The following CLYBL variants were observed in gnomAD, a reference collection of about 807,000 sequenced individuals.
CLYBL encodes citramalyl-CoA lyase.
CLYBL carries 31 observed loss-of-function variants against 38.9 expected under a neutral mutation model. That is an observed-to-expected ratio of 0.80 (90% confidence interval 0.60 to 1.08). The LOEUF (loss-of-function observed/expected upper bound fraction) is 1.08. CLYBL is among the 50% of genes least tolerant of loss of function. CLYBL has a pLI of 0.00. For synonymous variants in CLYBL, 171 were observed against 158.6 expected (o/e 1.08, Z -0.59); for missense variants, 434 against 411.6 (o/e 1.05, Z -0.47).
intron 2 of CLYBL, among the ~76,000 whole-genome samples, chr13:99,830,982 G>T (rs561291259): frequency 6.6e-6 from 1 of 152,296 alleles, no homozygotes; most frequent in Non-Finnish European, 1.5e-5. Context: ...AGAAATCAGA[G>T]ACACACAGAG....
intron 2 of CLYBL, among the ~76,000 whole-genome samples, chr13:99,814,969 G>T (rs911942672): frequency 6.6e-6 from 1 of 152,278 alleles, no homozygotes; most frequent in Middle Eastern, 3.4e-3. Context: ...CAAGACTGCG[G>T]TGAGCCATGA....
intron 1 of CLYBL, among the ~76,000 whole-genome samples, chr13:99,648,200 C>T (rs2047204410): frequency 6.6e-6 from 1 of 152,060 alleles, no homozygotes; most frequent in Non-Finnish European, 1.5e-5. Context: ...GTTTTGTTCA[C>T]CAGATGGAAA....
At chr13:99,692,193 A>G (rs187758930) in intron 1 of CLYBL, among the ~76,000 whole-genome samples, 34 of 152,134 alleles carry the variant, frequency 2.2e-4, no homozygotes, top group African/African-American at 8.0e-4. Context: ...CTTAGTCACA[A>G]TTACTCCCCA....
chr13:99,775,580 C>T (rs931438226), intron 2 of CLYBL, among the ~76,000 whole-genome samples: 2 of 151,958 alleles, frequency 1.3e-5, no homozygotes, highest in Non-Finnish European at 2.9e-5. Flanking sequence ...GTCATCATAG[C>T]TCACTGCAGC....
downstream of CLYBL, chr13:99,892,684 G>A (rs1340774171): frequency 6.6e-6 from 1 of 152,548 alleles, no homozygotes; most frequent in Non-Finnish European, 1.5e-5. Flanking sequence ...AACACCGCGG[G>A]GAAGGCTGTT....
chr13:99,883,680 C>T (rs1159239156), intron 7 of CLYBL, among the ~76,000 whole-genome samples: 1 of 152,106 alleles, frequency 6.6e-6, no homozygotes, highest in African/African-American at 2.4e-5. Flanking sequence ...CTACCACACC[C>T]CTTAGTTTTG....
intron 7 of CLYBL, among the ~76,000 whole-genome samples, chr13:99,883,626 A>G (rs1378365925): frequency 6.6e-6 from 1 of 152,146 alleles, no homozygotes; most frequent in Non-Finnish European, 1.5e-5. Flanking sequence ...TCTAGGAGAC[A>G]GCTTTTGAGC....
At chr13:99,901,948 T>C (rs2052649252), downstream of CLYBL, among the ~76,000 whole-genome samples, 1 of 152,208 alleles carries the variant, frequency 6.6e-6, no homozygotes, top group Non-Finnish European at 1.5e-5. Flanking sequence ...CCCAATATCC[T>C]GCCTTTGATC....
At chr13:99,663,132 A>G (rs2047433258) in intron 1 of CLYBL, among the ~76,000 whole-genome samples, 1 of 152,232 alleles carries the variant, frequency 6.6e-6, no homozygotes, top group Non-Finnish European at 1.5e-5. Context: ...TAAACTCAGC[A>G]CTTCTCTTAG....
intron 2 of CLYBL, among the ~76,000 whole-genome samples, chr13:99,839,396 A>C (rs947427111): frequency 1.3e-5 from 2 of 152,248 alleles, no homozygotes; most frequent in Non-Finnish European, 2.9e-5. Flanking sequence ...ACAGATCATC[A>C]GTTGCCAAGA....
downstream of CLYBL, among the ~76,000 whole-genome samples, chr13:99,900,866 T>C (rs187208666): frequency 1.2e-4 from 18 of 152,262 alleles, no homozygotes; most frequent in Admixed American, 9.8e-4. Context: ...GATACTCGAA[T>C]TCATCACAAT....
In CLYBL at chr13:99,658,266, G is replaced by A. The variant is rs985319451; in HGVS notation, c.62+51509G>A. On this transcript the variant is annotated intron_variant, in intron 1 of 8. Transcript: ENST00000339105. ...CTTCATCCGCAGGCCCACTCGGGGT[G>A]AATAGTGTGGGAGCTCTCAAGAGAA... Among the ~76,000 whole-genome samples, 3 of 152,252 alleles carry A rather than the reference G, an allele frequency of 2.0e-5. No homozygotes were observed. The South Asian group carries it at 6.2e-4, about 31-fold the overall frequency.
intron 2 of CLYBL, among the ~76,000 whole-genome samples, chr13:99,823,201 T>C (rs2050619984): frequency 6.6e-6 from 1 of 152,346 alleles, no homozygotes. Flanking sequence ...CTTTGTGTTA[T>C]ACAGTTGATG....
chr13:99,810,522 C>T (rs2050320399), intron 2 of CLYBL, among the ~76,000 whole-genome samples: 1 of 152,136 alleles, frequency 6.6e-6, no homozygotes. Context: ...AGAAGCGAAG[C>T]TTGGCTGGAG....
At chr13:99,658,526 C>A (rs1417404813) in intron 1 of CLYBL, among the ~76,000 whole-genome samples, 2 of 152,184 alleles carry the variant, frequency 1.3e-5, no homozygotes, top group Non-Finnish European at 2.9e-5. Context: ...CGCCGGCCTC[C>A]CCTCCTTTCA....
intron 2 of CLYBL, among the ~76,000 whole-genome samples, chr13:99,813,096 T>C (rs935692512): frequency 7.9e-5 from 12 of 152,218 alleles, no homozygotes; most frequent in Non-Finnish European, 1.5e-4. Context: ...ATTTTTGCTT[T>C]AAAATTCTGC....
At chr13:99,719,659 A>C (rs1403750852) in intron 1 of CLYBL, among the ~76,000 whole-genome samples, 4 of 151,630 alleles carry the variant, frequency 2.6e-5, no homozygotes. Flanking sequence ...GGTGCCCGCC[A>C]CCACACCCAG....
intron 2 of CLYBL, among the ~76,000 whole-genome samples, chr13:99,826,668 TAAAAC>T (rs2050701557): frequency 6.6e-6 from 1 of 152,238 alleles, no homozygotes. Context: ...TAAGCTTTGA[TAAAAC>T]TAAGATACAT....
chr13:99,691,394 G>T (rs9513650), intron 1 of CLYBL, among the ~76,000 whole-genome samples: 48,554 of 151,756 alleles, frequency 0.32, 8,124 homozygotes, highest in East Asian at 0.55. Flanking sequence ...TAAAAATTTG[G>T]GGGGGAAGGG....
Sources: allele counts gnomAD v4.1 joint callset (sites outside exome capture counted in the v4.1 genomes callset), GRCh38; gene constraint gnomAD v4.1.1; transcripts MANE v1.5; gene names NCBI Gene and HGNC (gene_info 2026-07-23, HGNC 2026-07-21).